The following PREX2 variants were observed in gnomAD, a reference collection of about 807,000 sequenced individuals.
PREX2 encodes the protein phosphatidylinositol-3,4,5-trisphosphate dependent Rac exchange factor 2.
In PREX2, 107 loss-of-function variants were observed where a neutral mutation model predicts 203.2. The ratio of observed to expected loss-of-function variants is 0.53; its 90% confidence interval spans 0.45 to 0.62. PREX2 has a LOEUF of 0.62. Among genes scored for constraint, PREX2 ranks in the 20% least tolerant of loss-of-function variants. The pLI, the probability that PREX2 is intolerant of heterozygous loss-of-function variation, is 0.00. For synonymous variants in PREX2, 672 were observed against 663.6 expected, an observed-to-expected ratio of 1.01 and a Z score of -0.19; for missense variants, 1,777 against 1,955.9, an observed-to-expected ratio of 0.91 and a Z score of 1.72.
At chr8:68,023,073 A>G (rs1280232013) in intron 4 of PREX2, among the ~76,000 whole-genome samples, 1 of 152,202 alleles carries the variant, frequency 6.6e-6, no homozygotes, top group East Asian at 1.9e-4. Flanking sequence ...GCTCCTATAA[A>G]TAATGCTGTT....
chr8:68,189,590 A>G (rs1812255252), intron 35 of PREX2, among the ~76,000 whole-genome samples: 1 of 152,120 alleles, frequency 6.6e-6, no homozygotes, highest in Non-Finnish European at 1.5e-5. Flanking sequence ...TTTGCTCTTG[A>G]TCTAGTGCTT....
At chr8:68,059,498 A>G (rs1035073909) in intron 10 of PREX2, among the ~76,000 whole-genome samples, 3 of 152,212 alleles carry the variant, frequency 2.0e-5, no homozygotes, top group Admixed American at 2.0e-4. Context: ...GACAGATGAG[A>G]TACAATAATG....
intron 37 of PREX2, among the ~76,000 whole-genome samples, chr8:68,216,828 C>T (rs1221385112): frequency 6.6e-6 from 1 of 151,938 alleles, no homozygotes; most frequent in African/African-American, 2.4e-5. Flanking sequence ...TGGTGGCATG[C>T]ACCTGTAATC....
In PREX2 at chr8:68,231,493, T is replaced by C; in HGVS notation, c.*115T>C. On this transcript the variant is annotated 3_prime_UTR_variant, in exon 40 of 40. Coordinates refer to ENST00000288368, the MANE Select transcript of PREX2 (RefSeq NM_024870.4). ...ACATCAATGCTTTTTTTTTTTTTTT[T>C]TTCTGTAAATCTTTCTTCCCATTGC... 2 of 784,934 alleles carry C rather than the reference T, an allele frequency of 2.5e-6. No homozygotes were observed. Among genetic ancestry groups the C allele is most frequent in the Non-Finnish European group, 3.8e-6 (2 of 529,108 alleles). The allele number at this position is 784,934 out of a possible 1,614,324, so 48.6% of individuals were successfully genotyped here.
At chr8:68,026,317 C>T (rs186314296) in intron 4 of PREX2, among the ~76,000 whole-genome samples, 24 of 151,894 alleles carry the variant, frequency 1.6e-4, no homozygotes, top group Admixed American at 1.4e-3. Context: ...AACACTCAGC[C>T]TCTCCTCTCA....
rs534893410 is a variant in PREX2 at position 68,206,127 on chromosome 8, T to C, written c.4605-11489T>C. Among the ~76,000 whole-genome samples, 5 of 152,302 alleles carry C rather than the reference T, an allele frequency of 3.3e-5. No individual in the cohort carries two copies. In the East Asian group the frequency reaches 9.7e-4, roughly 29 times the overall value. On this transcript the variant is annotated intron_variant, in intron 37 of 39. Transcript: ENST00000288368. ...GTAGAGTAGAAAGAGTCCTAGATTT[T>C]GAGTCCAAAAATGGGTTTTGAATCC...
At chr8:68,147,549 T>C (rs1811353175) in intron 34 of PREX2, among the ~76,000 whole-genome samples, 1 of 152,204 alleles carries the variant, frequency 6.6e-6, no homozygotes, top group Non-Finnish European at 1.5e-5. Flanking sequence ...CACCTTCCAC[T>C]ATGATTGTGA....
intron 39 of PREX2, among the ~76,000 whole-genome samples, chr8:68,227,612 G>A (rs984523328): frequency 1.3e-5 from 2 of 152,172 alleles, no homozygotes; most frequent in African/African-American, 2.4e-5. Context: ...CACAATGTAT[G>A]GGTAAGAGAG....
chr8:68,130,216 G>A (rs986000136), intron 31 of PREX2, among the ~76,000 whole-genome samples: 2 of 152,138 alleles, frequency 1.3e-5, no homozygotes, highest in Admixed American at 6.6e-5. Context: ...CTTGAGCCTG[G>A]GAGTTTGAAC....
At chr8:68,049,771 A>G (rs957605804) in intron 8 of PREX2, among the ~76,000 whole-genome samples, 26 of 152,138 alleles carry the variant, frequency 1.7e-4, no homozygotes, top group Non-Finnish European at 4.4e-5. Context: ...AAATTTTTTA[A>G]ACAAAATTCT....
At chr8:68,149,635 C>G (rs1338251674) in intron 34 of PREX2, among the ~76,000 whole-genome samples, 1 of 152,190 alleles carries the variant, frequency 6.6e-6, no homozygotes, top group African/African-American at 2.4e-5. Flanking sequence ...TCTACACGCT[C>G]CCCACTGACT....
At chr8:68,220,596 C>T (rs1812934251) in intron 38 of PREX2, among the ~76,000 whole-genome samples, 1 of 152,070 alleles carries the variant, frequency 6.6e-6, no homozygotes, top group Non-Finnish European at 1.5e-5. Context: ...AGGAAAATCA[C>T]CATGCCACGG....
intron 20 of PREX2, among the ~76,000 whole-genome samples, chr8:68,092,271 A>G (rs1809899530): frequency 6.6e-6 from 1 of 152,164 alleles, no homozygotes; most frequent in Non-Finnish European, 1.5e-5. Flanking sequence ...CAATGTGGGA[A>G]ACTAAGCGGT....
chr8:68,224,525 C>A, intron 38 of PREX2, 34 bp from the exon 39 acceptor site: 1 of 1,536,562 alleles, frequency 6.5e-7, no homozygotes. Flanking sequence ...TACTAACACA[C>A]TGTAGGGATA....
chr8:68,110,781 G>C (rs1466737468), intron 25 of PREX2, among the ~76,000 whole-genome samples: 1 of 152,100 alleles, frequency 6.6e-6, no homozygotes, highest in Non-Finnish European at 1.5e-5. Context: ...AATCACATTA[G>C]ATGCATCATA....
intron 33 of PREX2, 139 bp from the exon 34 acceptor site, chr8:68,146,070 G>A (rs1003953318): frequency 2.8e-4 from 164 of 593,662 alleles, no homozygotes; most frequent in Admixed American, 8.6e-4. Context: ...ACTGTATGTC[G>A]AATCCCAACT....
chr8:68,080,465 A>G lies in PREX2; in HGVS notation c.1665A>G (p.Lys555=). The change falls in exon 16 of 40, where the codon AAA becomes AAG. Residue 555 remains lysine (K), a synonymous_variant. Coordinates refer to ENST00000288368, the MANE Select transcript of PREX2 (RefSeq NM_024870.4). ...TAGTCCTTGAAAAAAGCGAATTCAA[A>G]GATGAACCCCTACTTTTCCGTTTTT... is the stretch of plus-strand genomic sequence containing the variant. ...MHHVLEKSEF[K]DEPLLFRFFS... is the part of the protein sequence containing the mutation. 1 of 1,612,002 alleles carries G rather than the reference A, an allele frequency of 6.2e-7. No homozygotes were observed. The highest frequency in any genetic ancestry group is 8.5e-7 in the Non-Finnish European group (1 of 1,179,540).
intron 35 of PREX2, among the ~76,000 whole-genome samples, chr8:68,174,135 A>T (rs1463428373): frequency 6.6e-6 from 1 of 152,066 alleles, no homozygotes; most frequent in Non-Finnish European, 1.5e-5. Context: ...GACATTTCAG[A>T]CTTCTTTTGT....
At chr8:68,156,617 A>G (rs1811548534) in intron 34 of PREX2, among the ~76,000 whole-genome samples, 1 of 152,198 alleles carries the variant, frequency 6.6e-6, no homozygotes, top group South Asian at 2.1e-4. Context: ...TAACAGGTAT[A>G]CCTCATGTAT....
Sources: gnomAD v4.1 joint callset for allele counts (sites outside exome capture counted in the v4.1 genomes callset) on GRCh38, gnomAD v4.1.1 for gene constraint, MANE v1.5 for transcripts, NCBI Gene and HGNC (gene_info 2026-07-23, HGNC 2026-07-21) for gene names.